YY1: variants seen among roughly 807,000 people sequenced by gnomAD.
YY1 encodes the protein YY1 transcription factor, also known as transcriptional repressor protein YY1.
A neutral mutation model predicts 35.6 loss-of-function variants in YY1; 2 were observed. That is an observed-to-expected ratio of 0.06 (90% confidence interval 0.02 to 0.18). The LOEUF (loss-of-function observed/expected upper bound fraction) is 0.18. YY1 is among the 10% of genes least tolerant of loss of function. The pLI, the probability that YY1 is intolerant of heterozygous loss-of-function variation, is 1.00. For synonymous variants in YY1, 268 were observed against 238.9 expected (o/e 1.12, Z -1.12); for missense variants, 322 against 573.4 (o/e 0.56, Z 4.48).
At chr14:100,240,123 G>T (rs974781576) in intron 1 of YY1, among the ~76,000 whole-genome samples, 200 bp downstream of exon 1, 5 of 146,310 alleles carry the variant, frequency 3.4e-5, no homozygotes, top group African/African-American at 9.8e-5. Context: ...CCGCGGGGGG[G>T]AGGGGCCGGC....
chr14:100,255,443 A>T (rs1890990868), intron 1 of YY1, among the ~76,000 whole-genome samples: 1 of 151,882 alleles, frequency 6.6e-6, no homozygotes, highest in Admixed American at 6.6e-5. Context: ...ACATGGTGAA[A>T]CCCCATCTCT....
chr14:100,257,824 C>A (rs1891025477), intron 1 of YY1, among the ~76,000 whole-genome samples: 1 of 152,206 alleles, frequency 6.6e-6, no homozygotes, highest in South Asian at 2.1e-4. Flanking sequence ...CAGAGTAGCA[C>A]TGATTCTCAA....
chr14:100,246,017 AGAAATTTAGGT>A (rs958388737), intron 1 of YY1, among the ~76,000 whole-genome samples: 1 of 152,232 alleles, frequency 6.6e-6, no homozygotes, highest in Non-Finnish European at 1.5e-5. Context: ...TAGTTCAGAG[AGAAATTTAGGT>A]GATTTTAAAA....
Position 100,280,506 on chromosome 14 carries a change from A to G in YY1, c.*2906A>G, listed in dbSNP as rs1891402008. ...TAAAGAACTGTCACCCCAGAGTGAC[A>G]TTTATTTTCCAAGATGACCCTGAAC... is the stretch of plus-strand genomic sequence containing the variant. On this transcript the variant is annotated 3_prime_UTR_variant, in exon 5 of 5. Transcript: ENST00000262238. 1 of 152,104 alleles carries G rather than the reference A, an allele frequency of 6.6e-6. No individual in the cohort carries two copies. The highest frequency in any genetic ancestry group is 1.5e-5 in the Non-Finnish European group (1 of 68,010). The allele number at this position is 152,104 out of a possible 1,614,324, so 9.4% of individuals were successfully genotyped here. A position where few individuals can be genotyped will look rare whatever the true frequency, so the allele number is the denominator to read the frequency against.
chr14:100,260,442 T>TAC (rs1320454758), intron 1 of YY1, among the ~76,000 whole-genome samples: 10 of 122,434 alleles, frequency 8.2e-5, no homozygotes, highest in Admixed American at 3.4e-4. Context: ...TATATATATA[T>TAC]ATATACACAC....
intron 2 of YY1, among the ~76,000 whole-genome samples, chr14:100,268,233 A>AG (rs1891182928): frequency 6.6e-6 from 1 of 152,192 alleles, no homozygotes; most frequent in Non-Finnish European, 1.5e-5. Flanking sequence ...AACTGTCCAA[A>AG]GAGTATTTCA....
At position 100,276,386 on chromosome 14, in the gene YY1, G is replaced by T; in HGVS notation, c.904-104G>T. 1 of 1,480,206 alleles carries T rather than the reference G, an allele frequency of 6.8e-7. No individual in the cohort carries two copies. The highest frequency in any genetic ancestry group is 9.4e-7 in the Non-Finnish European group (1 of 1,065,252). The allele number at this position is 1,480,206 out of a possible 1,614,324, so 91.7% of individuals were successfully genotyped here. A position where few individuals can be genotyped will look rare whatever the true frequency, so the allele number is the denominator to read the frequency against. On this transcript the variant is annotated intron_variant, in intron 3 of 4. Transcript: ENST00000262238. The surrounding 1 kb of genome is among the most constrained non-coding windows in gnomAD (Gnocchi z 4.1). ...CTAAGTAAAATTAAAATGGGGGGTT[G>T]GGGAGGTGGTTTTGTTTTAATATGT...
intron 1 of YY1, among the ~76,000 whole-genome samples, chr14:100,254,189 A>G (rs1415826365): frequency 6.6e-6 from 1 of 152,198 alleles, no homozygotes; most frequent in African/African-American, 2.4e-5. Context: ...CCTGTAATGT[A>G]ATAAATAAAA....
chr14:100,242,328 A>G (rs553602187), intron 1 of YY1, among the ~76,000 whole-genome samples: 1 of 150,916 alleles, frequency 6.6e-6, no homozygotes, highest in African/African-American at 2.4e-5. Flanking sequence ...TCAATTTACA[A>G]TTAAGTGAGC....
chr14:100,247,324 C>T (rs1890848233), intron 1 of YY1, among the ~76,000 whole-genome samples: 1 of 151,394 alleles, frequency 6.6e-6, no homozygotes. Context: ...TTTTTATTCT[C>T]TCTGTGCTCT....
In YY1 at chr14:100,257,075, C is replaced by T. The variant is rs374308344; in HGVS notation, c.680-5229C>T. On this transcript the variant is annotated intron_variant, in intron 1 of 4. Transcript: ENST00000262238. ...CAGTGTTGGTAGTGTATGCCACTTGCACTTGATATGTCGCTAAGTTCTCTT... is the reference window on the plus strand; with the variant it reads ...CAGTGTTGGTAGTGTATGCCACTTGTACTTGATATGTCGCTAAGTTCTCTT... 1.5e-3 allele frequency among the ~76,000 whole-genome samples: 230 copies of T among 152,212 alleles called. 6 individuals are homozygous for T. In the South Asian group the frequency reaches 0.046, roughly 30 times the overall value.
intron 2 of YY1, among the ~76,000 whole-genome samples, chr14:100,269,109 C>G (rs1891196605): frequency 6.6e-6 from 1 of 152,206 alleles, no homozygotes; most frequent in Non-Finnish European, 1.5e-5. Flanking sequence ...GGGTGTCTGA[C>G]TCCTCCATAT....
At position 100,247,176 on chromosome 14, in the gene YY1, G is replaced by A. The variant is rs866334969; in HGVS notation, c.679+7253G>A. ...TATTTACAAAAGGCATTTCTATTTT[G>A]TTTTTGAAACCTGCTTAACAAGGTC... On this transcript the variant is annotated intron_variant, in intron 1 of 4. Transcript: ENST00000262238. 3.0e-4 allele frequency among the ~76,000 whole-genome samples: 45 copies of A among 152,126 alleles called. 1 individual carries two copies. The highest frequency in any genetic ancestry group is 1.0e-3 in the African/African-American group (42 of 41,416).
At chr14:100,247,383 CTTTTTTTTT>C in intron 1 of YY1, among the ~76,000 whole-genome samples, 1 of 135,338 alleles carries the variant, frequency 7.4e-6, no homozygotes, top group East Asian at 2.1e-4. Context: ...TTCTTTTTTT[CTTTTTTTTT>C]TTTTTTCGAG....
chr14:100,278,954 C>T lies in YY1; in HGVS notation c.*1354C>T, dbSNP rs932353033. 5 of 152,240 alleles carry T rather than the reference C, an allele frequency of 3.3e-5. No individual in the cohort carries two copies. The highest frequency in any genetic ancestry group is 1.2e-4 in the African/African-American group (5 of 41,452). The allele number at this position is 152,240 out of a possible 1,614,324, so 9.4% of individuals were successfully genotyped here. A position where few individuals can be genotyped will look rare whatever the true frequency, so the allele number is the denominator to read the frequency against. On this transcript the variant is annotated 3_prime_UTR_variant, in exon 5 of 5. Coordinates refer to ENST00000262238, the MANE Select transcript of YY1 (RefSeq NM_003403.5). ...TCGTTGGTTATTTGGTTTGAGAGCC[C>T]TTGTTCCTCCATCTAGTGGAGTCCT...
intron 2 of YY1, among the ~76,000 whole-genome samples, chr14:100,272,967 T>TG (rs1566780950): frequency 6.8e-6 from 1 of 146,686 alleles, no homozygotes; most frequent in African/African-American, 2.6e-5. Context: ...TTTTTTTTGT[T>TG]TTTTTTTTTT....
At chr14:100,248,215 A>AT (rs1336964305) in intron 1 of YY1, among the ~76,000 whole-genome samples, 2 of 146,156 alleles carry the variant, frequency 1.4e-5, no homozygotes, top group African/African-American at 2.6e-5. Flanking sequence ...TCCCGGGTTC[A>AT]TACCATTCTC....
intron 1 of YY1, among the ~76,000 whole-genome samples, chr14:100,254,157 A>G (rs1643916594): frequency 6.6e-6 from 1 of 152,162 alleles, no homozygotes; most frequent in Admixed American, 6.5e-5. Context: ...TTGAACAAAG[A>G]AAGAAACATA....
chr14:100,245,769 G>C (rs1013123217), intron 1 of YY1, among the ~76,000 whole-genome samples: 18 of 151,982 alleles, frequency 1.2e-4, no homozygotes, highest in African/African-American at 4.4e-4. Flanking sequence ...ACCATGCCCG[G>C]CTAATTTTTG....
Sources: gnomAD v4.1 joint callset for allele counts (sites outside exome capture counted in the v4.1 genomes callset) on GRCh38, gnomAD v4.1.1 for gene constraint, Gnocchi (gnomAD v3.1) non-coding constraint, MANE v1.5 for transcripts, NCBI Gene and HGNC (gene_info 2026-07-23, HGNC 2026-07-21) for gene names.